TLL1: variants seen among roughly 807,000 people sequenced by gnomAD.
The protein encoded by TLL1 is tolloid like 1.
A neutral mutation model predicts 128.2 loss-of-function variants in TLL1; 49 were observed. That is an observed-to-expected ratio of 0.38 (90% CI 0.30 to 0.48). The LOEUF is 0.48. Ranked by LOEUF, TLL1 falls within the 20% of genes least tolerant of loss-of-function variation. The probability of loss-of-function intolerance (pLI) is 0.96; values close to 1 mark genes in which losing one functional copy is unlikely to be tolerated. For missense variants in TLL1, 1,123 were observed against 1,242.0 expected (o/e 0.90, Z 1.44); for synonymous variants, 454 against 418.8 (o/e 1.08, Z -1.03).
intron 2 of TLL1, 61 bp downstream of exon 2, chr4:165,989,552 C>A (rs1012287842): frequency 1.2e-5 from 15 of 1,228,636 alleles, no homozygotes; most frequent in Non-Finnish European, 1.4e-5. Context: ...TCTTGAAGTG[C>A]TATAAATATT....
intron 2 of TLL1, 94 bp from the exon 3 acceptor site, chr4:165,992,710 G>A: frequency 1.7e-6 from 2 of 1,154,068 alleles, no homozygotes; most frequent in Non-Finnish European, 2.6e-6. Context: ...CATAAAAAAT[G>A]ACCAAAGAGA....
At chr4:166,056,965 T>A (rs1328094530) in intron 13 of TLL1, among the ~76,000 whole-genome samples, 1 of 152,132 alleles carries the variant, frequency 6.6e-6, no homozygotes, top group African/African-American at 2.4e-5. Flanking sequence ...GGTAGTTTTT[T>A]AGAAAGATTT....
chr4:165,981,397 A>G (rs1736143679), intron 1 of TLL1, among the ~76,000 whole-genome samples: 1 of 152,130 alleles, frequency 6.6e-6, no homozygotes, highest in African/African-American at 2.4e-5. Context: ...GGAAAATTAA[A>G]GTTCTATCTT....
chr4:166,069,888 A>G (rs1184183773), intron 16 of TLL1, among the ~76,000 whole-genome samples: 1 of 151,816 alleles, frequency 6.6e-6, no homozygotes, highest in Non-Finnish European at 1.5e-5. Flanking sequence ...AATCAGTGTA[A>G]TATGCTACAC....
chr4:165,891,667 G>C (rs576284607), intron 1 of TLL1, among the ~76,000 whole-genome samples: 1 of 152,240 alleles, frequency 6.6e-6, no homozygotes, highest in African/African-American at 2.4e-5. Context: ...AACTCAGCCT[G>C]GACTTCATTG....
At chr4:165,879,336 A>G (rs111446678) in intron 1 of TLL1, among the ~76,000 whole-genome samples, 1 of 152,128 alleles carries the variant, frequency 6.6e-6, no homozygotes, top group South Asian at 2.1e-4. Flanking sequence ...CAGGAATCCT[A>G]TTTTTGAACA....
intron 18 of TLL1, among the ~76,000 whole-genome samples, chr4:166,086,904 G>T (rs535759727): frequency 6.6e-5 from 10 of 152,186 alleles, no homozygotes; most frequent in African/African-American, 2.2e-4. Context: ...GCGTGTGTGT[G>T]TTTATTTAAG....
At chr4:166,029,943 A>G (rs936636292) in intron 9 of TLL1, among the ~76,000 whole-genome samples, 4 of 152,106 alleles carry the variant, frequency 2.6e-5, no homozygotes, top group African/African-American at 9.7e-5. Context: ...TAGTGCTGAT[A>G]TGAACCTGGG....
At chr4:166,006,415 T>C (rs76541187) in intron 6 of TLL1, among the ~76,000 whole-genome samples, 1,757 of 151,948 alleles carry the variant, frequency 0.012, 10 homozygotes, top group Middle Eastern at 0.031. Flanking sequence ...TGCATTAAAA[T>C]GTATTGCTGA....
chr4:165,927,388 T>C (rs1733323884), intron 1 of TLL1, among the ~76,000 whole-genome samples: 1 of 152,248 alleles, frequency 6.6e-6, no homozygotes, highest in Non-Finnish European at 1.5e-5. Flanking sequence ...TGTGTTTAAA[T>C]TTTTTATGAA....
At chr4:165,933,375 T>C (rs1361893994) in intron 1 of TLL1, among the ~76,000 whole-genome samples, 2 of 151,970 alleles carry the variant, frequency 1.3e-5, no homozygotes, top group East Asian at 3.9e-4. Flanking sequence ...ATGATTCCGG[T>C]GTTGTGCCCG....
chr4:166,016,144 G>A (rs879931639), intron 8 of TLL1, among the ~76,000 whole-genome samples: 6 of 151,736 alleles, frequency 4.0e-5, no homozygotes, highest in Non-Finnish European at 8.8e-5. Flanking sequence ...CCTTTAAAAT[G>A]TTTTATGTAT....
intron 1 of TLL1, among the ~76,000 whole-genome samples, chr4:165,962,355 T>G (rs1399593339): frequency 1.3e-5 from 2 of 152,110 alleles, no homozygotes; most frequent in Non-Finnish European, 2.9e-5. Flanking sequence ...AAATGGGAAA[T>G]CAAAACTACA....
At chr4:166,036,670 G>GCA (rs1231487767) in intron 9 of TLL1, among the ~76,000 whole-genome samples, 1 of 151,936 alleles carries the variant, frequency 6.6e-6, no homozygotes, top group African/African-American at 2.4e-5. Context: ...TGCTTTTAAA[G>GCA]GACTCTGTGT....
At chr4:165,903,412 G>GTTTTT (rs563542442) in intron 1 of TLL1, among the ~76,000 whole-genome samples, 3 of 125,324 alleles carry the variant, frequency 2.4e-5, no homozygotes, top group South Asian at 2.7e-4. Flanking sequence ...TCTTTTTCTT[G>GTTTTT]TTTTTTTTTT....
chr4:165,983,930 C>G (rs1736278000), intron 1 of TLL1, among the ~76,000 whole-genome samples: 1 of 151,740 alleles, frequency 6.6e-6, no homozygotes, highest in African/African-American at 2.4e-5. Flanking sequence ...TTTTATTTAA[C>G]TCATTAATAG....
At chr4:165,922,296 G>T (rs1157344837) in intron 1 of TLL1, among the ~76,000 whole-genome samples, 1 of 152,180 alleles carries the variant, frequency 6.6e-6, no homozygotes, top group Non-Finnish European at 1.5e-5. Context: ...TACTTGCTAT[G>T]ATTCTTTGTT....
At chr4:166,041,379 C>A (rs1367636759) in intron 10 of TLL1, among the ~76,000 whole-genome samples, 3 of 151,026 alleles carry the variant, frequency 2.0e-5, no homozygotes, top group African/African-American at 7.3e-5. Context: ...CGGCTCACTG[C>A]AACCTCTGCC....
intron 1 of TLL1, among the ~76,000 whole-genome samples, chr4:165,974,735 C>G (rs1409930737): frequency 6.6e-6 from 1 of 152,026 alleles, no homozygotes; most frequent in Non-Finnish European, 1.5e-5. Flanking sequence ...ATATTATATC[C>G]CAGAGGCTAT....
Sources: gnomAD v4.1 joint callset for allele counts (sites outside exome capture counted in the v4.1 genomes callset) on GRCh38, gnomAD v4.1.1 for gene constraint, MANE v1.5 for transcripts, NCBI Gene and HGNC (gene_info 2026-07-23, HGNC 2026-07-21) for gene names.